The following NOD1 variants were observed in gnomAD, a reference collection of about 807,000 sequenced individuals.
The protein encoded by NOD1 is nucleotide-binding oligomerization domain-containing protein 1.
In NOD1, 70 loss-of-function variants were observed where a neutral mutation model predicts 81.2. The ratio of observed to expected loss-of-function variants is 0.86; its 90% CI spans 0.71 to 1.05. The LOEUF is 1.05. Among genes scored for constraint, NOD1 ranks in the 50% least tolerant of loss-of-function variants. NOD1 has a pLI of 0.00. For synonymous variants in NOD1, 508 were observed against 526.9 expected, an observed-to-expected ratio of 0.96 and a Z score of 0.49; for missense variants, 1,233 against 1,228.0, an observed-to-expected ratio of 1.00 and a Z score of -0.06.
At position 30,451,113 on chromosome 7, in the gene NOD1, G is replaced by T; in HGVS notation, c.2201+103C>A. 7.6e-7 allele frequency: 1 copy of T among 1,319,770 alleles called. No individual in the cohort carries two copies. Among genetic ancestry groups the T allele is most frequent in the East Asian group, 2.4e-5 (1 of 41,146 alleles). 81.8% of individuals were successfully genotyped at this position (1,319,770 alleles called of 1,614,324 possible). ...AAGGTCTGGACATTCCAAGGGCCAT[G>T]GTCATGAGTCCTGGGGGATCCTGGT... On this transcript the variant is annotated intron_variant, in intron 6 of 13. Transcript: ENST00000222823. This position sits in a 1 kb window ranked among gnomAD's most constrained non-coding sequence, Gnocchi z 4.2.
chr7:30,451,880 A>G lies in NOD1; in HGVS notation c.1537T>C (p.Tyr513His). The change falls in exon 6 of 14, where the codon TAT becomes CAT. Residue 513 changes from tyrosine (Y) to histidine (H), a missense_variant. By Grantham distance (83) the Tyr-to-His change is moderately conservative. Transcript: ENST00000222823. The surrounding 1 kb of genome is among the most constrained non-coding windows in gnomAD (Gnocchi z 4.2). ...TGGAGGGTGAGGTGGAAAAACTCAT[A>G]GGACTGCTGGTCACCCCCGGGGCCC... ...ELGPGGDQQS[Y>H]EFFHLTLQAF... The G allele has an allele frequency of 1.2e-6, 2 of 1,613,702 alleles. No homozygotes were observed. Among genetic ancestry groups the G allele is most frequent in the Non-Finnish European group, 1.7e-6 (2 of 1,180,006 alleles).
intron 1 of NOD1, among the ~76,000 whole-genome samples, chr7:30,465,620 T>C (rs1446453214): frequency 6.6e-6 from 1 of 151,888 alleles, no homozygotes; most frequent in Non-Finnish European, 1.5e-5. Context: ...TTTCACTCTT[T>C]CTTCAGGCAC....
At chr7:30,460,244 A>G in intron 1 of NOD1, 1 of 985,448 alleles carries the variant, frequency 1.0e-6, no homozygotes, top group Non-Finnish European at 1.2e-6. Context: ...CCAAAACCAT[A>G]CCATGGGAGA....
Position 30,451,898 on chromosome 7 carries a change from C to T in NOD1, c.1519G>A (p.Gly507Arg), listed in dbSNP as rs566081250. ...FLRALPELGPGGDQQSYEFFH... is the reference protein window; with the variant it reads ...FLRALPELGPRGDQQSYEFFH... Reference sequence around the variant, plus strand: ...AACTCATAGGACTGCTGGTCACCCCCGGGGCCCAGCTCCGGCAAAGCCCGC... The same window carrying T: ...AACTCATAGGACTGCTGGTCACCCCTGGGGCCCAGCTCCGGCAAAGCCCGC... The change falls in exon 6 of 14, where the codon GGG becomes AGG. Residue 507 changes from glycine to arginine, a missense_variant. Physicochemically the swap from Gly to Arg is moderately radical, Grantham distance 125 (BLOSUM62 -2). Transcript: ENST00000222823. This position sits in a 1 kb window ranked among gnomAD's most constrained non-coding sequence, Gnocchi z 4.2. 1.2e-4 allele frequency: 197 copies of T among 1,613,606 alleles called. 2 individuals carry two copies. In the South Asian group the frequency reaches 1.9e-3, roughly 16 times the overall value.
chr7:30,429,240 CAG>C (rs1396098845), intron 13 of NOD1, 132 bp downstream of exon 13: 9 of 775,542 alleles, frequency 1.2e-5, no homozygotes, highest in East Asian at 2.5e-5. Flanking sequence ...CTCTGTAAAA[CAG>C]AGGTAATACC....
chr7:30,462,766 T>C (rs964104031), intron 1 of NOD1, among the ~76,000 whole-genome samples: 3 of 151,874 alleles, frequency 2.0e-5, no homozygotes, highest in Non-Finnish European at 2.9e-5. Context: ...CTGGCCAACA[T>C]TGTGAAACCC....
At chr7:30,453,884 C>G (rs974204300) in intron 5 of NOD1, among the ~76,000 whole-genome samples, 3 of 152,238 alleles carry the variant, frequency 2.0e-5, no homozygotes, top group Non-Finnish European at 4.4e-5. Context: ...TTCATATAAA[C>G]AGAATCATAC....
At chr7:30,463,879 T>C (rs1787411729) in intron 1 of NOD1, 4 of 152,172 alleles carry the variant, frequency 2.6e-5, no homozygotes, top group African/African-American at 4.8e-5. Flanking sequence ...CAATAACCAC[T>C]ATTCTCATTT....
In NOD1 at chr7:30,452,853, G is replaced by A. The variant is rs372733312; in HGVS notation, c.564C>T (p.Thr188=). Residue 188 remains threonine, a synonymous_variant, in exon 6 of 14, where the codon ACC becomes ACT. Transcript: ENST00000222823. Reference sequence around the variant, plus strand: ...TCTCACCCTGCTCATTGAGGATGCCGGTGGTGTGGTCCAGGAGGCAGGCCA... The same window carrying A: ...TCTCACCCTGCTCATTGAGGATGCCAGTGGTGTGGTCCAGGAGGCAGGCCA... ...NSLACLLDHT[T]GILNEQGETI... The A allele has an allele frequency of 8.7e-6, 14 of 1,613,988 alleles. No homozygotes were observed. Among genetic ancestry groups the A allele is most frequent in the African/African-American group, 2.7e-5 (2 of 74,934 alleles).
At chr7:30,460,390 T>A (rs1786905602) in intron 1 of NOD1, 3 of 984,888 alleles carry the variant, frequency 3.0e-6, no homozygotes, top group Non-Finnish European at 3.6e-6. Context: ...GACGGTCTGG[T>A]CCTCTCTTCC....
Position 30,447,028 on chromosome 7 carries a change from C to T in NOD1, c.2308G>A (p.Asp770Asn), listed in dbSNP as rs754320439. The T allele has an allele frequency of 1.6e-5, 26 of 1,614,042 alleles. No homozygotes were observed. Among genetic ancestry groups the T allele is most frequent in the South Asian group, 4.4e-5 (4 of 91,082 alleles). Residue 770 changes from aspartate (D) to asparagine (N), a missense_variant, in exon 8 of 14, where the codon GAT becomes AAT. By Grantham distance (23) the Asp-to-Asn change is conservative (BLOSUM62 1). Transcript: ENST00000222823. ...YLGLYNNQIT[D>N]VGARYVTKIL... ...TTGGTGACGTACCTGGCTCCGACAT[C>T]GGTGATCTGGTTGTTGTATAAACTT...
At position 30,456,990 on chromosome 7, in the gene NOD1, G is replaced by T; in HGVS notation, c.-69C>A. The T allele has an allele frequency of 7.2e-7, 1 of 1,387,052 alleles. No individual in the cohort carries two copies. Among genetic ancestry groups the T allele is most frequent in the Non-Finnish European group, 1.0e-6 (1 of 976,346 alleles). The allele number at this position is 1,387,052 out of a possible 1,614,324, so 85.9% of individuals were successfully genotyped here. ...CTGCGTGTGTCCTCTCAGCAGAAGG[G>T]CAATCAGGATTCAGGCCGCGCCCTC... On this transcript the variant is annotated 5_prime_UTR_variant, in exon 4 of 14. Transcript: ENST00000222823.
intron 1 of NOD1, among the ~76,000 whole-genome samples, chr7:30,474,328 T>C (rs1788555282): frequency 6.6e-6 from 1 of 152,226 alleles, no homozygotes; most frequent in African/African-American, 2.4e-5. Context: ...AGGAAAGCAT[T>C]ATTGTAACTA....
At chr7:30,461,840 G>A (rs1031808123) in intron 1 of NOD1, among the ~76,000 whole-genome samples, 5 of 152,326 alleles carry the variant, frequency 3.3e-5, no homozygotes, top group East Asian at 3.9e-4. Flanking sequence ...CCGGGTTCAC[G>A]CCATTCTCCT....
At chr7:30,433,017 T>G in intron 12 of NOD1, 79 bp downstream of exon 12, 2 of 1,086,072 alleles carry the variant, frequency 1.8e-6, no homozygotes, top group Non-Finnish European at 2.8e-6. Context: ...GAGAGTGAAT[T>G]TTACAGTATG....
chr7:30,459,258 G>A lies in NOD1; in HGVS notation c.-210-18C>T, dbSNP rs1786747898. The A allele has an allele frequency of 6.6e-6, 1 of 152,512 alleles. No homozygotes were observed. Among genetic ancestry groups the A allele is most frequent in the Non-Finnish European group, 1.5e-5 (1 of 68,006 alleles). 9.4% of individuals were successfully genotyped at this position (152,512 alleles called of 1,614,324 possible). On this transcript the variant is annotated intron_variant, in intron 2 of 13. Coordinates refer to ENST00000222823, the MANE Select transcript of NOD1 (RefSeq NM_006092.4). ...TCTGGAATCTGCAAAATCAAAGAAA[G>A]ACTTAAAAAAATTATTGTGGCACAT...
chr7:30,452,301 G>A lies in NOD1; in HGVS notation c.1116C>T (p.Asp372=), dbSNP rs368843529. Reference sequence around the variant, plus strand: ...TGGCCTCCAGCTGGCTCAGCAGGCGGTCCTGCAGGGCCCGCTCGGGGAACA... The same window carrying A: ...TGGCCTCCAGCTGGCTCAGCAGGCGATCCTGCAGGGCCCGCTCGGGGAACA... ...RRMFPERALQ[D]RLLSQLEANP... Residue 372 remains aspartate, a synonymous_variant, in exon 6 of 14, where the codon GAC becomes GAT. Transcript: ENST00000222823. The A allele has an allele frequency of 5.6e-6, 9 of 1,613,370 alleles. No individual in the cohort carries two copies. The highest frequency in any genetic ancestry group is 1.3e-5 in the African/African-American group (1 of 74,942).
At chr7:30,426,354 C>A (rs961258201) in intron 13 of NOD1, among the ~76,000 whole-genome samples, 2 of 151,834 alleles carry the variant, frequency 1.3e-5, no homozygotes, top group Non-Finnish European at 2.9e-5. Flanking sequence ...GGGGGTCAAC[C>A]TGGACACCTT....
chr7:30,436,629 G>T lies in NOD1; in HGVS notation c.2538-548C>A, dbSNP rs533404099. Among the ~76,000 whole-genome samples the T allele has an allele frequency of 3.3e-5, 5 of 152,340 alleles. No homozygotes were observed. In the South Asian group the frequency reaches 1.0e-3, roughly 32 times the overall value. ...TTTCCAGCATCATCCTGAGGACAAG[G>T]AAGGGGCAGGAATCTGCTGGCCAGC... On this transcript the variant is annotated intron_variant, in intron 10 of 13. Coordinates refer to ENST00000222823, the MANE Select transcript of NOD1 (RefSeq NM_006092.4).
Sources: allele counts gnomAD v4.1 joint callset (sites outside exome capture counted in the v4.1 genomes callset), GRCh38; gene constraint gnomAD v4.1.1; non-coding constraint Gnocchi (gnomAD v3.1); transcripts MANE v1.5; gene names NCBI Gene and HGNC (gene_info 2026-07-23, HGNC 2026-07-21).